The following PPM1A variants were observed in gnomAD, a reference collection of about 807,000 sequenced individuals.
PPM1A encodes the protein protein phosphatase, Mg2+/Mn2+ dependent 1A.
In PPM1A, 7 loss-of-function variants were observed where a neutral mutation model predicts 35.0. That is an observed-to-expected ratio of 0.20 (90% confidence interval 0.11 to 0.38). The LOEUF is 0.38. PPM1A is among the 10% of genes least tolerant of loss of function. The pLI is 1.00. For missense variants in PPM1A, 239 were observed against 467.8 expected (o/e 0.51, Z 4.51); for synonymous variants, 153 against 167.3 (o/e 0.91, Z 0.66).
At chr14:60,248,516 C>T (rs1881940900), upstream of PPM1A, 1 of 152,486 alleles carries the variant, frequency 6.6e-6, no homozygotes, top group Non-Finnish European at 1.5e-5. Context: ...TGTGTCTCTG[C>T]CCTTTGGGTC....
rs964894641 is a variant in PPM1A, at chr14:60,299,041, T to G, written c.*6559T>G. ...TGTTAGATGAAAAGTAGAAATAATT[T>G]CTAGTTTGGAAAACTGGTGCCACTA... On this transcript the variant is annotated 3_prime_UTR_variant, in exon 6 of 6. Transcript: ENST00000395076. The surrounding 1 kb of genome is among the most constrained non-coding windows in gnomAD (Gnocchi z 4.2). 4.0e-5 allele frequency: 6 copies of G among 151,884 alleles called. No individual in the cohort carries two copies. Among genetic ancestry groups the G allele is most frequent in the African/African-American group, 1.4e-4 (6 of 41,448 alleles). 9.4% of individuals were successfully genotyped at this position (151,884 alleles called of 1,614,324 possible).
intron 1 of PPM1A, among the ~76,000 whole-genome samples, chr14:60,250,014 G>A (rs1316913461): frequency 6.6e-6 from 1 of 151,626 alleles, no homozygotes; most frequent in Non-Finnish European, 1.5e-5. Flanking sequence ...CCTGGCCGGA[G>A]AGCGGCCTGC....
chr14:60,268,329 A>C, intron 1 of PPM1A: 1 of 983,644 alleles, frequency 1.0e-6, no homozygotes, highest in Non-Finnish European at 1.2e-6. Context: ...TTGAAAAAAA[A>C]AAAATTTGTT....
upstream of PPM1A, among the ~76,000 whole-genome samples, chr14:60,247,151 T>C (rs1228728896): frequency 6.6e-6 from 1 of 152,202 alleles, no homozygotes; most frequent in Admixed American, 6.5e-5. Flanking sequence ...ATGCTGTTAC[T>C]TGCCTGGAGT....
upstream of PPM1A, chr14:60,245,804 C>T (rs1219090286): frequency 2.0e-6 from 3 of 1,519,378 alleles, no homozygotes; most frequent in South Asian, 3.9e-5. The surrounding 1 kb of genome is among the most constrained non-coding windows in gnomAD (Gnocchi z 4.2). Flanking sequence ...AGGGGGCACA[C>T]CCTCTCCCTG....
chr14:60,280,456 T>C (rs940068379), intron 1 of PPM1A, among the ~76,000 whole-genome samples: 2 of 152,272 alleles, frequency 1.3e-5, no homozygotes, highest in Admixed American at 1.3e-4. Flanking sequence ...TATTGGTGAA[T>C]TCGTAGAGGA....
intron 1 of PPM1A, among the ~76,000 whole-genome samples, chr14:60,252,120 A>G (rs1406423386): frequency 2.6e-5 from 4 of 152,222 alleles, no homozygotes; most frequent in Non-Finnish European, 5.9e-5. Flanking sequence ...TTCAGATTAC[A>G]TCTAGGCCAT....
chr14:60,272,420 A>G (rs1206201895), intron 1 of PPM1A, among the ~76,000 whole-genome samples: 2 of 152,072 alleles, frequency 1.3e-5, no homozygotes, highest in Non-Finnish European at 2.9e-5. Flanking sequence ...TTTAAGACAC[A>G]CAGGAGGCTG....
upstream of PPM1A, among the ~76,000 whole-genome samples, chr14:60,247,425 C>T (rs1204386696): frequency 6.6e-6 from 1 of 151,788 alleles, no homozygotes; most frequent in African/African-American, 2.4e-5. Flanking sequence ...GTCAGGAAAC[C>T]GAGACCATCC....
intron 1 of PPM1A, among the ~76,000 whole-genome samples, chr14:60,275,143 G>A (rs149949123): frequency 5.0e-4 from 75 of 150,182 alleles, no homozygotes; most frequent in African/African-American, 1.6e-3. Flanking sequence ...AGACTTGTAG[G>A]CAGAAGAAGA....
chr14:60,262,809 G>C (rs920103569), intron 1 of PPM1A, among the ~76,000 whole-genome samples: 2 of 152,214 alleles, frequency 1.3e-5, no homozygotes, highest in Non-Finnish European at 2.9e-5. Flanking sequence ...TGTTAAACAA[G>C]ACTAAGCTGT....
intron 1 of PPM1A, among the ~76,000 whole-genome samples, chr14:60,264,711 T>G (rs2139402893): frequency 6.6e-6 from 1 of 152,308 alleles, no homozygotes; most frequent in Admixed American, 6.5e-5. Context: ...TGTATTATGT[T>G]CTAGGTGGTT....
intron 1 of PPM1A, among the ~76,000 whole-genome samples, chr14:60,275,772 C>T (rs1193721200): frequency 1.3e-5 from 2 of 150,256 alleles, no homozygotes; most frequent in African/African-American, 2.4e-5. Flanking sequence ...ATGTGTGGCT[C>T]TAATCATTTT....
At chr14:60,247,757 G>A (rs1881884400), upstream of PPM1A, among the ~76,000 whole-genome samples, 1 of 150,602 alleles carries the variant, frequency 6.6e-6, no homozygotes, top group South Asian at 2.1e-4. Context: ...ATGCCAGAAA[G>A]AATAAATAGG....
At chr14:60,268,848 A>G (rs1175152861) in intron 1 of PPM1A, among the ~76,000 whole-genome samples, 1 of 151,630 alleles carries the variant, frequency 6.6e-6, no homozygotes, top group African/African-American at 2.4e-5. Flanking sequence ...TTTTTAAGCA[A>G]TTTCCACGTT....
chr14:60,276,608 G>A (rs1362949213), intron 1 of PPM1A, among the ~76,000 whole-genome samples: 1 of 152,102 alleles, frequency 6.6e-6, no homozygotes, highest in Non-Finnish European at 1.5e-5. Flanking sequence ...CCTGGGGGGC[G>A]TTCCCTATTA....
chr14:60,265,717 G>A (rs76905345), intron 1 of PPM1A, among the ~76,000 whole-genome samples: 522 of 152,278 alleles, frequency 3.4e-3, no homozygotes, highest in African/African-American at 9.6e-3. Context: ...GAGGGGCTGC[G>A]TCTGGTGAGG....
At chr14:60,246,201 G>A (rs191020610), upstream of PPM1A, among the ~76,000 whole-genome samples, 1 of 152,126 alleles carries the variant, frequency 6.6e-6, no homozygotes, top group African/African-American at 2.4e-5. Context: ...ATTTTGAGAG[G>A]CCCAGGCAAG....
intron 1 of PPM1A, among the ~76,000 whole-genome samples, chr14:60,267,528 GCTGT>G (rs1221793847): frequency 6.6e-6 from 1 of 151,872 alleles, no homozygotes; most frequent in Non-Finnish European, 1.5e-5. Flanking sequence ...TTTTTTTAGT[GCTGT>G]CTTTGTCAAA....
Sources: gnomAD v4.1 joint callset for allele counts (sites outside exome capture counted in the v4.1 genomes callset) on GRCh38, gnomAD v4.1.1 for gene constraint, Gnocchi (gnomAD v3.1) non-coding constraint, MANE v1.5 for transcripts, NCBI Gene and HGNC (gene_info 2026-07-23, HGNC 2026-07-21) for gene names.